LDB3: variants seen among roughly 807,000 people sequenced by gnomAD.
The protein encoded by LDB3 is LIM domain binding 3.
A neutral mutation model predicts 69.0 loss-of-function variants in LDB3; 49 were observed. The ratio of observed to expected loss-of-function variants is 0.71; its 90% CI spans 0.56 to 0.90. The LOEUF (loss-of-function observed/expected upper bound fraction) is 0.90, where lower values mean the gene tolerates loss of function less well. Among genes scored for constraint, LDB3 ranks in the 40% least tolerant of loss-of-function variants. The pLI is 0.00. For missense variants in LDB3, 928 were observed against 974.1 expected (o/e 0.95, Z 0.63); for synonymous variants, 387 against 396.2 (o/e 0.98, Z 0.28).
intron 5 of LDB3, among the ~76,000 whole-genome samples, chr10:86,687,622 C>T (rs959829257): frequency 6.6e-6 from 1 of 152,276 alleles, no homozygotes; most frequent in Admixed American, 6.5e-5. Flanking sequence ...AGGCCTCTCA[C>T]AGCGAAGCTG....
At chr10:86,677,485 G>A (rs545844411) in intron 2 of LDB3, among the ~76,000 whole-genome samples, 5 of 152,156 alleles carry the variant, frequency 3.3e-5, no homozygotes, top group African/African-American at 4.8e-5. Flanking sequence ...ACTGGAGGCC[G>A]GGGGTGCAGA....
intron 8 of LDB3, among the ~76,000 whole-genome samples, chr10:86,708,803 G>C (rs1423969299): frequency 1.3e-5 from 2 of 152,122 alleles, no homozygotes; most frequent in Non-Finnish European, 2.9e-5. Flanking sequence ...AGACCTCTCT[G>C]GATCCACTCA....
At chr10:86,691,162 C>T (rs1251784510) in intron 5 of LDB3, among the ~76,000 whole-genome samples, 1 of 152,198 alleles carries the variant, frequency 6.6e-6, no homozygotes, top group South Asian at 2.1e-4. Flanking sequence ...TTTGTTTGTT[C>T]AGCCAAGAGT....
At chr10:86,684,841 C>T (rs1485379672) in intron 5 of LDB3, among the ~76,000 whole-genome samples, 1 of 152,190 alleles carries the variant, frequency 6.6e-6, no homozygotes, top group East Asian at 1.9e-4. Context: ...GCCACAGGGT[C>T]TGCCACTGCA....
intron 9 of LDB3, among the ~76,000 whole-genome samples, chr10:86,711,847 G>A (rs1054396087): frequency 1.1e-4 from 17 of 150,346 alleles, no homozygotes; most frequent in Non-Finnish European, 1.0e-4. Context: ...CCAGGCGCTT[G>A]CGGAGAGCCG....
intron 2 of LDB3, among the ~76,000 whole-genome samples, chr10:86,670,727 G>T (rs1327950125): frequency 6.6e-6 from 1 of 152,226 alleles, no homozygotes; most frequent in Non-Finnish European, 1.5e-5. Flanking sequence ...AGAACCCGAA[G>T]CTCGGGCAGG....
At chr10:86,671,790 G>A (rs532931691) in intron 2 of LDB3, among the ~76,000 whole-genome samples, 1 of 152,324 alleles carries the variant, frequency 6.6e-6, no homozygotes, top group East Asian at 1.9e-4. Flanking sequence ...CTGTTTACCT[G>A]CTCGGCCTCA....
intron 12 of LDB3, among the ~76,000 whole-genome samples, chr10:86,719,117 G>A (rs1846985249): frequency 1.3e-5 from 2 of 152,194 alleles, no homozygotes; most frequent in African/African-American, 4.8e-5. Context: ...ATGTGGATCT[G>A]GTTAGGTGAG....
intron 9 of LDB3, 145 bp downstream of exon 9, chr10:86,710,195 A>G: frequency 6.6e-7 from 1 of 1,523,352 alleles, no homozygotes. Context: ...TCCGTCCCCT[A>G]GCTGTGGGTC....
At position 86,669,053 on chromosome 10, in the gene LDB3, C is replaced by CAGGG. The variant is rs141315074; in HGVS notation, c.93+272_93+273insGAGG. On this transcript the variant is annotated intron_variant, in intron 2 of 13. Coordinates refer to ENST00000361373, the MANE Select transcript of LDB3 (RefSeq NM_007078.3). ...CTGAGTTTTCAGGCAGGCAGGCAGGCAGGCAGGCAGGTAGCTGGACAGAGA... is the reference window on the plus strand; with the variant it reads ...CTGAGTTTTCAGGCAGGCAGGCAGGCAGGGAGGCAGGCAGGTAGCTGGACAGAGA... Among the ~76,000 whole-genome samples, 2,852 of 152,260 alleles carry CAGGG rather than the reference C, an allele frequency of 0.019. 46 individuals carry two copies. Among genetic ancestry groups the CAGGG allele is most frequent in the Non-Finnish European group, 0.03 (2,069 of 68,012 alleles).
At chr10:86,685,616 A>T in intron 5 of LDB3, 1 of 1,585,018 alleles carries the variant, frequency 6.3e-7, no homozygotes, top group Non-Finnish European at 8.7e-7. Context: ...CCCGGCGCTC[A>T]AACTGCCCCT....
intron 7 of LDB3, among the ~76,000 whole-genome samples, chr10:86,698,245 C>T (rs1201217944): frequency 1.3e-5 from 2 of 152,190 alleles, no homozygotes; most frequent in East Asian, 3.8e-4. Context: ...TGGGGGTCAC[C>T]CAAGTGGTTG....
At chr10:86,668,944 G>C (rs1360638670) in intron 2 of LDB3, among the ~76,000 whole-genome samples, 160 bp downstream of exon 2, 1 of 152,240 alleles carries the variant, frequency 6.6e-6, no homozygotes, top group African/African-American at 2.4e-5. Flanking sequence ...AGCCACAGCT[G>C]TTTGCTCACT....
At chr10:86,700,990 G>T (rs555561498) in intron 7 of LDB3, among the ~76,000 whole-genome samples, 1 of 152,340 alleles carries the variant, frequency 6.6e-6, no homozygotes, top group African/African-American at 2.4e-5. Flanking sequence ...TGCTGCCTGG[G>T]CAGAGGCTTT....
chr10:86,673,000 C>T (rs1190943568), intron 2 of LDB3, among the ~76,000 whole-genome samples: 2 of 152,250 alleles, frequency 1.3e-5, no homozygotes, highest in Admixed American at 1.3e-4. Flanking sequence ...GGTCCCCTCT[C>T]ATCCAGAGGC....
chr10:86,713,002 T>A (rs987979500), intron 9 of LDB3, among the ~76,000 whole-genome samples: 1 of 151,970 alleles, frequency 6.6e-6, no homozygotes, highest in Non-Finnish European at 1.5e-5. Context: ...CAGAGGTGGC[T>A]GTGAAGCCGA....
Position 86,706,670 on chromosome 10 carries a change from G to A in LDB3, c.1036G>A (p.Ala346Thr), listed in dbSNP as rs201968775. The change falls in exon 8 of 14, where the codon GCC becomes ACC. Residue 346 changes from alanine (A) to threonine (T), a missense_variant. Ala to Thr is a moderately conservative substitution (Grantham distance 58). Coordinates refer to ENST00000361373, the MANE Select transcript of LDB3 (RefSeq NM_007078.3). ...CACAGCTGCTGCCCACACTGCCATC[G>A]CCTCCGCCTCCACCACAGCCCCTGC... ...LATAAAHTAI[A>T]SASTTAPASS... The A allele has an allele frequency of 1.1e-4, 180 of 1,612,888 alleles. No individual in the cohort carries two copies. The African/African-American group carries it at 1.5e-3, about 13-fold the overall frequency.
chr10:86,732,495 G>A (rs975500288), intron 13 of LDB3: 2 of 446,018 alleles, frequency 4.5e-6, no homozygotes, highest in African/African-American at 4.1e-5. Flanking sequence ...ATGGGGCAAG[G>A]CTGTTTGTTT....
At chr10:86,727,302 G>A (rs1316622463) in intron 13 of LDB3, among the ~76,000 whole-genome samples, 1 of 151,766 alleles carries the variant, frequency 6.6e-6, no homozygotes, top group African/African-American at 2.4e-5. Context: ...GAATACAGGC[G>A]TGAGCCACCA....
Sources: gnomAD v4.1 joint callset for allele counts (sites outside exome capture counted in the v4.1 genomes callset) on GRCh38, gnomAD v4.1.1 for gene constraint, MANE v1.5 for transcripts, NCBI Gene and HGNC (gene_info 2026-07-23, HGNC 2026-07-21) for gene names.